SLX4IP: variants seen among roughly 807,000 people sequenced by gnomAD.
SLX4IP encodes protein SLX4IP.
In SLX4IP, 34 loss-of-function variants were observed where a neutral mutation model predicts 32.9. That is an observed-to-expected ratio of 1.03 (90% CI 0.79 to 1.38). The LOEUF (loss-of-function observed/expected upper bound fraction) is 1.38, where lower values mean the gene tolerates loss of function less well. SLX4IP is among the 40% of genes most tolerant of loss of function. The pLI, the probability that SLX4IP is intolerant of heterozygous loss-of-function variation, is 0.00. For missense variants in SLX4IP, 444 were observed against 479.0 expected, an observed-to-expected ratio of 0.93 and a Z score of 0.68; for synonymous variants, 172 against 171.7, an observed-to-expected ratio of 1.00 and a Z score of -0.01.
intron 1 of SLX4IP, among the ~76,000 whole-genome samples, chr20:10,440,086 G>A (rs1482356327): frequency 2.0e-5 from 3 of 151,778 alleles, no homozygotes; most frequent in African/African-American, 4.8e-5. Context: ...CGTGGACATA[G>A]AAATTCATTT....
chr20:10,460,855 GTCTT>G (rs1363342935), intron 2 of SLX4IP, among the ~76,000 whole-genome samples: 1 of 152,094 alleles, frequency 6.6e-6, no homozygotes, highest in Admixed American at 6.6e-5. Context: ...TTGGTTATCT[GTCTT>G]TCTTCTCTGA....
At position 10,623,631 on chromosome 20, in the gene SLX4IP, CAAAG is replaced by C. The variant is rs1460986414; in HGVS notation, c.*254_*257del. 4 of 531,892 alleles carry C rather than the reference CAAAG, an allele frequency of 7.5e-6. No homozygotes were observed. The highest frequency in any genetic ancestry group is 9.7e-6 in the Non-Finnish European group (3 of 308,662). 32.9% of individuals were successfully genotyped at this position (531,892 alleles called of 1,614,324 possible). A position where few individuals can be genotyped will look rare whatever the true frequency, so the allele number is the denominator to read the frequency against. Reference sequence around the variant, plus strand: ...ACTGTCTTCAGAGAATTAGTAATGACAAAGAGCCATCCACCTTGTCAGGGAGGAG... The same window carrying C: ...ACTGTCTTCAGAGAATTAGTAATGACAGCCATCCACCTTGTCAGGGAGGAG... On this transcript the variant is annotated 3_prime_UTR_variant, in exon 8 of 8. Coordinates refer to ENST00000334534, the MANE Select transcript of SLX4IP (RefSeq NM_001009608.3).
chr20:10,505,215 C>T (rs1396311314), intron 2 of SLX4IP, among the ~76,000 whole-genome samples: 1 of 152,202 alleles, frequency 6.6e-6, no homozygotes, highest in Non-Finnish European at 1.5e-5. Context: ...TAAATGCAAA[C>T]AGCCCAGAAT....
intron 2 of SLX4IP, among the ~76,000 whole-genome samples, chr20:10,475,526 C>T (rs1417232407): frequency 2.0e-5 from 3 of 152,190 alleles, no homozygotes; most frequent in South Asian, 4.1e-4. Flanking sequence ...TCAGGTTGCC[C>T]ATGGCCCTGA....
chr20:10,518,438 TCTTC>T (rs796333618), intron 2 of SLX4IP, among the ~76,000 whole-genome samples: 3,219 of 67,742 alleles, frequency 0.048, 265 homozygotes, highest in African/African-American at 0.13. Flanking sequence ...CCTCCCTCCT[TCTTC>T]CTTCCTTCCT....
chr20:10,482,117 G>T (rs1435403135), intron 2 of SLX4IP, among the ~76,000 whole-genome samples: 1 of 152,236 alleles, frequency 6.6e-6, no homozygotes, highest in East Asian at 1.9e-4. Context: ...AGGAGGCAGG[G>T]ATCAGTGGGG....
chr20:10,601,832 A>G lies in SLX4IP; in HGVS notation c.405+13A>G, dbSNP rs1037743457. 3.1e-6 allele frequency: 5 copies of G among 1,604,900 alleles called. 1 individual carries two copies. The Admixed American group carries it at 8.3e-5, about 27-fold the overall frequency. On this transcript the variant is annotated intron_variant, in intron 6 of 7. Coordinates refer to ENST00000334534, the MANE Select transcript of SLX4IP (RefSeq NM_001009608.3). ...GAATGAAGATTTGGTGAGTATGAAA[A>G]AATTCTATAAACAAATAAGTCTGCT...
chr20:10,455,719 C>T (rs140914498), intron 1 of SLX4IP, among the ~76,000 whole-genome samples: 100 of 152,124 alleles, frequency 6.6e-4, no homozygotes, highest in Admixed American at 4.6e-4. Context: ...AAATGATTCT[C>T]GTGCTTCAGC....
chr20:10,556,883 C>T (rs1324592967), intron 3 of SLX4IP, among the ~76,000 whole-genome samples: 1 of 152,208 alleles, frequency 6.6e-6, no homozygotes, highest in Non-Finnish European at 1.5e-5. Flanking sequence ...TTCACTGAGC[C>T]TCAGCCTCCT....
intron 2 of SLX4IP, among the ~76,000 whole-genome samples, chr20:10,519,415 T>C (rs1432045069): frequency 6.6e-6 from 1 of 152,274 alleles, no homozygotes; most frequent in Non-Finnish European, 1.5e-5. Context: ...ATTTACTTTT[T>C]GTCTTTATAA....
At chr20:10,594,883 C>A (rs546359692) in intron 4 of SLX4IP, among the ~76,000 whole-genome samples, 90 of 152,232 alleles carry the variant, frequency 5.9e-4, no homozygotes, top group African/African-American at 2.1e-3. Context: ...CTCTCATATG[C>A]ATTACTGACC....
At chr20:10,471,981 C>T (rs1394141246) in intron 2 of SLX4IP, among the ~76,000 whole-genome samples, 2 of 152,138 alleles carry the variant, frequency 1.3e-5, no homozygotes, top group East Asian at 3.9e-4. Context: ...ACCTCTGGAA[C>T]TGGCACACTA....
intron 6 of SLX4IP, among the ~76,000 whole-genome samples, chr20:10,606,128 A>T (rs904657740): frequency 1.2e-4 from 19 of 152,322 alleles, no homozygotes; most frequent in African/African-American, 4.3e-4. Context: ...AGCTAAATAA[A>T]AACTACAAAA....
intron 1 of SLX4IP, among the ~76,000 whole-genome samples, chr20:10,444,690 G>C (rs1161505398): frequency 1.3e-5 from 2 of 152,032 alleles, no homozygotes; most frequent in African/African-American, 4.8e-5. Flanking sequence ...CTTGCTTTCT[G>C]CTTCGAAGAT....
chr20:10,567,491 A>G (rs1157032029), intron 4 of SLX4IP, among the ~76,000 whole-genome samples: 3 of 151,906 alleles, frequency 2.0e-5, no homozygotes, highest in Non-Finnish European at 4.4e-5. Flanking sequence ...CAGAGATCAG[A>G]CTCTCGCCAG....
chr20:10,551,047 G>C (rs945320036), intron 2 of SLX4IP, among the ~76,000 whole-genome samples: 15 of 152,200 alleles, frequency 9.9e-5, no homozygotes. Flanking sequence ...TAAGAGTTCT[G>C]AGTCTGCTCC....
Position 10,526,204 on chromosome 20 carries a change from G to A in SLX4IP, c.28-30027G>A, listed in dbSNP as rs144315194. On this transcript the variant is annotated intron_variant, in intron 2 of 7. Transcript: ENST00000334534. The stretch of plus-strand genomic sequence containing the variant: ...TTCCCCAATATTCTACTTGGTAAAA[G>A]CCTAGTCATCAATCTAGATGTCTAT... 9.2e-3 allele frequency among the ~76,000 whole-genome samples: 1,407 copies of A among 152,238 alleles called. 27 individuals carry two copies. The highest frequency in any genetic ancestry group is 0.032 in the African/African-American group (1,332 of 41,522).
At chr20:10,528,788 G>A (rs928368683) in intron 2 of SLX4IP, among the ~76,000 whole-genome samples, 10 of 152,144 alleles carry the variant, frequency 6.6e-5, no homozygotes, top group African/African-American at 2.2e-4. Context: ...TGCCCCACTG[G>A]TCATATTTCC....
intron 4 of SLX4IP, among the ~76,000 whole-genome samples, chr20:10,579,168 A>AT (rs1265966180): frequency 6.6e-6 from 1 of 152,108 alleles, no homozygotes. Flanking sequence ...ATGTACATCT[A>AT]TTTTTTAAGG....
Sources: gnomAD v4.1 joint callset for allele counts (sites outside exome capture counted in the v4.1 genomes callset) on GRCh38, gnomAD v4.1.1 for gene constraint, MANE v1.5 for transcripts, NCBI Gene and HGNC (gene_info 2026-07-23, HGNC 2026-07-21) for gene names.